Variants in TBCD observed in about 807,000 individuals in gnomAD.
The protein encoded by TBCD is tubulin folding cofactor D.
A neutral mutation model predicts 169.3 loss-of-function variants in TBCD; 105 were observed. The observed-to-expected ratio is 0.62, with a 90% CI of 0.53 to 0.73. The LOEUF is 0.73. Among genes scored for constraint, TBCD ranks in the 30% least tolerant of loss-of-function variants. The pLI, the probability that TBCD is intolerant of heterozygous loss-of-function variation, is 0.00. For synonymous variants in TBCD, 700 were observed against 643.9 expected (o/e 1.09, Z -1.32); for missense variants, 1,444 against 1,600.1 (o/e 0.90, Z 1.66).
rs376880696 is a variant in TBCD at position 82,911,750 on chromosome 17, C to A, written c.2007-8C>A. 7 of 1,613,614 alleles carry A rather than the reference C, an allele frequency of 4.3e-6. No homozygotes were observed. The African/African-American group carries it at 9.3e-5, about 22-fold the overall frequency. On this transcript the variant is annotated splice_region_variant and splice_polypyrimidine_tract_variant and intron_variant, in intron 22 of 38. Coordinates refer to ENST00000355528, the MANE Select transcript of TBCD (RefSeq NM_005993.5). ...TCTTCTAATTCTGATGTTTTCATTCCTTTTCAGGGGTCTGGGAGGACAGCT... is the reference window on the plus strand; with the variant it reads ...TCTTCTAATTCTGATGTTTTCATTCATTTTCAGGGGTCTGGGAGGACAGCT...
chr17:82,928,588 G>A (rs1330315143), intron 30 of TBCD, among the ~76,000 whole-genome samples: 8 of 151,362 alleles, frequency 5.3e-5, no homozygotes, highest in African/African-American at 9.7e-5. Context: ...GGTCTCTGTC[G>A]GGGGCACTGA....
chr17:82,862,169 G>A (rs951375152), intron 13 of TBCD, among the ~76,000 whole-genome samples: 20 of 152,122 alleles, frequency 1.3e-4, no homozygotes, highest in African/African-American at 4.8e-4. Flanking sequence ...TGATCTGCCC[G>A]CCTCAGCCTC....
intron 2 of TBCD, among the ~76,000 whole-genome samples, chr17:82,757,333 G>T (rs955013040): frequency 6.6e-5 from 10 of 152,200 alleles, no homozygotes; most frequent in African/African-American, 2.4e-4. Context: ...TCAAATAACA[G>T]ATTTTGGCTG....
Position 82,890,887 on chromosome 17 carries a change from T to A in TBCD, c.1563+1190T>A, listed in dbSNP as rs1352977435. The stretch of plus-strand genomic sequence containing the variant: ...GAGGTTTGGTCTTTTGAGTGGAGAG[T>A]GTGGCTGCTGTGAGGAAGAAGGAGC... On this transcript the variant is annotated intron_variant, in intron 16 of 38. Transcript: ENST00000355528. The surrounding 1 kb of genome is among the most constrained non-coding windows in gnomAD (Gnocchi z 5.3). 1.3e-5 allele frequency among the ~76,000 whole-genome samples: 2 copies of A among 151,938 alleles called. No homozygotes were observed. Among genetic ancestry groups the A allele is most frequent in the African/African-American group, 2.4e-5 (1 of 41,346 alleles).
chr17:82,897,535 T>TCC (rs1567983924), intron 17 of TBCD, among the ~76,000 whole-genome samples: 2 of 137,326 alleles, frequency 1.5e-5, no homozygotes, highest in Non-Finnish European at 3.2e-5. Context: ...AAAAAAAAAA[T>TCC]CAGCTTTATC....
At chr17:82,758,441 G>A (rs1296987192) in intron 2 of TBCD, among the ~76,000 whole-genome samples, 2 of 128,752 alleles carry the variant, frequency 1.6e-5, no homozygotes, top group African/African-American at 5.4e-5. Flanking sequence ...GTAGAGAAGG[G>A]GTCTTGCCGT....
In TBCD at chr17:82,781,752, C is replaced by A. The variant is rs116054029; in HGVS notation, c.771+31C>A. ...TGCTGCCCGCAGGGGCTGTGGAGAT[C>A]GCAGGGAAATGGCGCCTTACATGGG... On this transcript the variant is annotated intron_variant, in intron 7 of 38. Coordinates refer to ENST00000355528, the MANE Select transcript of TBCD (RefSeq NM_005993.5). The A allele has an allele frequency of 1.9e-3, 3,014 of 1,606,904 alleles. 48 individuals are homozygous for A. In the African/African-American group the frequency reaches 0.035, roughly 19 times the overall value.
At chr17:82,808,564 G>A (rs1411120418) in intron 11 of TBCD, among the ~76,000 whole-genome samples, 1 of 117,432 alleles carries the variant, frequency 8.5e-6, no homozygotes, top group Non-Finnish European at 1.8e-5. Flanking sequence ...GTCCTGGGGG[G>A]CGGGTTGGCC....
rs548643796 is a variant in TBCD, at chr17:82,829,319, CAGAT to C, written c.1318+14388_1318+14391del. On this transcript the variant is annotated intron_variant, in intron 13 of 38. Coordinates refer to ENST00000355528, the MANE Select transcript of TBCD (RefSeq NM_005993.5). ...GGCGAATGTGCACACCCCCCCCACA[CAGAT>C]AGCACACGTGTACACCCACACAATT... 129 of 154,670 alleles carry C rather than the reference CAGAT, an allele frequency of 8.3e-4. 2 individuals are homozygous for C. The highest frequency in any genetic ancestry group is 2.6e-3 in the African/African-American group (109 of 41,560). The allele number at this position is 154,670 out of a possible 1,614,324, so 9.6% of individuals were successfully genotyped here.
At chr17:82,842,116 G>A (rs1263965536) in intron 13 of TBCD, among the ~76,000 whole-genome samples, 2 of 152,248 alleles carry the variant, frequency 1.3e-5, no homozygotes, top group Non-Finnish European at 2.9e-5. Flanking sequence ...AGCGGCAGGA[G>A]TGCCAGGTGT....
Position 82,890,770 on chromosome 17 carries a change from G to A in TBCD, c.1563+1073G>A, listed in dbSNP as rs959714697. Among the ~76,000 whole-genome samples, 2 of 152,182 alleles carry A rather than the reference G, an allele frequency of 1.3e-5. No individual in the cohort carries two copies. Among genetic ancestry groups the A allele is most frequent in the African/African-American group, 2.4e-5 (1 of 41,446 alleles). On this transcript the variant is annotated intron_variant, in intron 16 of 38. Coordinates refer to ENST00000355528, the MANE Select transcript of TBCD (RefSeq NM_005993.5). This position sits in a 1 kb window ranked among gnomAD's most constrained non-coding sequence, Gnocchi z 5.3. ...GTGTTCAGAGCCCTGAGCCCTGGTC[G>A]GAGCCAGTTCACTAGGAAGAGACAC...
intron 13 of TBCD, among the ~76,000 whole-genome samples, chr17:82,839,423 A>AT (rs2054272790): frequency 6.6e-6 from 1 of 152,128 alleles, no homozygotes. Context: ...TTCAGCCCTA[A>AT]TGTACATACA....
rs75362234 is a variant in TBCD, at chr17:82,833,181, C to G, written c.1318+18247C>G. On this transcript the variant is annotated intron_variant, in intron 13 of 38. Coordinates refer to ENST00000355528, the MANE Select transcript of TBCD (RefSeq NM_005993.5). This position sits in a 1 kb window ranked among gnomAD's most constrained non-coding sequence, Gnocchi z 4.7. The stretch of plus-strand genomic sequence containing the variant: ...AACATGTACCCACAGTCACAGAGTG[C>G]CCCTCACTTTTACACAGAGCGTGGG... Among the ~76,000 whole-genome samples the G allele has an allele frequency of 3.3e-5, 5 of 152,078 alleles. No individual in the cohort carries two copies. The highest frequency in any genetic ancestry group is 1.2e-4 in the African/African-American group (5 of 41,404).
chr17:82,857,580 T>C (rs961709257), intron 13 of TBCD, among the ~76,000 whole-genome samples: 31 of 152,270 alleles, frequency 2.0e-4, no homozygotes, highest in African/African-American at 7.5e-4. Context: ...AAAAGTATTT[T>C]GTTTTTTTGT....
chr17:82,939,365 A>G lies in TBCD; in HGVS notation c.3370-2A>G. 3.1e-6 allele frequency: 5 copies of G among 1,609,932 alleles called. No homozygotes were observed. Among genetic ancestry groups the G allele is most frequent in the Non-Finnish European group, 4.2e-6 (5 of 1,178,774 alleles). ...GGCAAATGCACTGCATCCCTGTCCC[A>G]GATCCGGAAGACCACGGCCAGCCAG... On this transcript the variant is annotated splice_acceptor_variant, in intron 36 of 38. Transcript: ENST00000355528. LOFTEE classifies it high-confidence loss of function.
chr17:82,884,266 G>C lies in TBCD; in HGVS notation c.1533+64G>C. ...GGGGGGTGGGCCTGGTCTCCCTGATGCTCCTCTGTGCACTGCTGCCTGGCC... is the reference window on the plus strand; with the variant it reads ...GGGGGGTGGGCCTGGTCTCCCTGATCCTCCTCTGTGCACTGCTGCCTGGCC... On this transcript the variant is annotated intron_variant, in intron 15 of 38. Coordinates refer to ENST00000355528, the MANE Select transcript of TBCD (RefSeq NM_005993.5). The surrounding 1 kb of genome is among the most constrained non-coding windows in gnomAD (Gnocchi z 4.2). The C allele has an allele frequency of 6.9e-7, 1 of 1,441,664 alleles. No homozygotes were observed. The highest frequency in any genetic ancestry group is 9.6e-7 in the Non-Finnish European group (1 of 1,047,082). 89.3% of individuals were successfully genotyped at this position (1,441,664 alleles called of 1,614,324 possible).
rs1205549814 is a variant in TBCD at position 82,890,118 on chromosome 17, A to G, written c.1563+421A>G. 6.6e-6 allele frequency among the ~76,000 whole-genome samples: 1 copy of G among 152,066 alleles called. No homozygotes were observed. Among genetic ancestry groups the G allele is most frequent in the Non-Finnish European group, 1.5e-5 (1 of 68,008 alleles). ...AGAAGTCAGCTCCCAGAAGCTACGG[A>G]CCCCATGACCCCACGACCCCACATC... On this transcript the variant is annotated intron_variant, in intron 16 of 38. Transcript: ENST00000355528. This position sits in a 1 kb window ranked among gnomAD's most constrained non-coding sequence, Gnocchi z 5.3.
rs1377536682 is a variant in TBCD, at chr17:82,763,969, G to T, written c.240G>T (p.Trp80Cys). Residue 80 changes from tryptophan to cysteine, a missense_variant, in exon 3 of 39, where the codon TGG becomes TGT. Physicochemically the swap from Trp to Cys is radical, Grantham distance 215. Transcript: ENST00000355528. Reference sequence around the variant, plus strand: ...GTTTCCTATGTTTTTCCCTAGAATGGATGATGAACTTGTTGTTGGACATAG... The same window carrying T: ...GTTTCCTATGTTTTTCCCTAGAATGTATGATGAACTTGTTGTTGGACATAG... ...QPHLLDPHLEWMMNLLLDIVQ... is the reference protein window; with the variant it reads ...QPHLLDPHLECMMNLLLDIVQ... 1.2e-6 allele frequency: 2 copies of T among 1,613,404 alleles called. No individual in the cohort carries two copies. Among genetic ancestry groups the T allele is most frequent in the African/African-American group, 1.3e-5 (1 of 75,038 alleles).
rs562003232 is a variant in TBCD, at chr17:82,914,683, C to T, written c.2038+2894C>T. Among the ~76,000 whole-genome samples, 11 of 152,348 alleles carry T rather than the reference C, an allele frequency of 7.2e-5. No individual in the cohort carries two copies. In the East Asian group the frequency reaches 1.4e-3, roughly 19 times the overall value. On this transcript the variant is annotated intron_variant, in intron 23 of 38. Transcript: ENST00000355528. ...CAGCCGTGACCTCAGCTCCCGGCGC[C>T]GGCCCTCCTTGTGCAGCTCCTTCCC...
Sources: gnomAD v4.1 joint callset for allele counts (sites outside exome capture counted in the v4.1 genomes callset) on GRCh38, gnomAD v4.1.1 for gene constraint, Gnocchi (gnomAD v3.1) non-coding constraint, MANE v1.5 for transcripts, NCBI Gene and HGNC (gene_info 2026-07-23, HGNC 2026-07-21) for gene names.